The following GALNT10 variants were observed in gnomAD, a reference collection of about 807,000 sequenced individuals.
GALNT10 encodes GalNAc transferase 10.
Under a neutral mutation model 75.0 loss-of-function variants are expected in GALNT10, and 41 were observed. The ratio of observed to expected loss-of-function variants is 0.55; its 90% CI spans 0.43 to 0.71. The LOEUF (loss-of-function observed/expected upper bound fraction) is 0.71, where lower values mean the gene tolerates loss of function less well. Ranked by LOEUF, GALNT10 falls within the 30% of genes least tolerant of loss-of-function variation. The probability of loss-of-function intolerance (pLI) is 0.00; values close to 1 mark genes in which losing one functional copy is unlikely to be tolerated. For synonymous variants in GALNT10, 302 were observed against 313.0 expected (o/e 0.96, Z 0.37); for missense variants, 727 against 818.5 (o/e 0.89, Z 1.36).
rs937721268 is a variant in GALNT10, at chr5:154,416,374, A to G, written c.1654-440A>G. On this transcript the variant is annotated intron_variant, in intron 11 of 11. Transcript: ENST00000297107. The surrounding 1 kb of genome is among the most constrained non-coding windows in gnomAD (Gnocchi z 4.5). ...CTTGAACCTGAGAGGCAGAGGTTGCAGTGAGCCAAGATTGTGCCACTACAC... is the reference window on the plus strand; with the variant it reads ...CTTGAACCTGAGAGGCAGAGGTTGCGGTGAGCCAAGATTGTGCCACTACAC... Among the ~76,000 whole-genome samples the G allele has an allele frequency of 1.3e-5, 2 of 152,196 alleles. No individual in the cohort carries two copies. The highest frequency in any genetic ancestry group is 2.4e-5 in the African/African-American group (1 of 41,446).
At chr5:154,296,744 T>C (rs1754280666) in intron 2 of GALNT10, among the ~76,000 whole-genome samples, 1 of 152,212 alleles carries the variant, frequency 6.6e-6, no homozygotes, top group Non-Finnish European at 1.5e-5. Flanking sequence ...GAACTCTGCA[T>C]TGGTCTCCTG....
rs1756582052 is a variant in GALNT10 at position 154,419,287 on chromosome 5, A to G, written c.*2315A>G. The stretch of plus-strand genomic sequence containing the variant: ...GCAGTGCGTTTAGTCTGTGGCCTAG[A>G]AGACCTCATCAGCCCCCGAGAGGAG... On this transcript the variant is annotated 3_prime_UTR_variant, in exon 12 of 12. Transcript: ENST00000297107. 1 of 152,098 alleles carries G rather than the reference A, an allele frequency of 6.6e-6. No individual in the cohort carries two copies. Among genetic ancestry groups the G allele is most frequent in the Non-Finnish European group, 1.5e-5 (1 of 68,064 alleles). 9.4% of individuals were successfully genotyped at this position (152,098 alleles called of 1,614,324 possible). A position where few individuals can be genotyped will look rare whatever the true frequency, so the allele number is the denominator to read the frequency against.
chr5:154,396,500 A>T (rs1756022335), intron 7 of GALNT10, among the ~76,000 whole-genome samples: 1 of 51,818 alleles, frequency 1.9e-5, no homozygotes, highest in Admixed American at 2.2e-4. Flanking sequence ...TCCAGACCTT[A>T]GGAAAACACA....
chr5:154,333,676 G>A (rs1754900247), intron 4 of GALNT10, among the ~76,000 whole-genome samples: 1 of 152,060 alleles, frequency 6.6e-6, no homozygotes, highest in Non-Finnish European at 1.5e-5. Context: ...TCAATGTGGT[G>A]CCATACCCAA....
At chr5:154,203,121 C>T (rs923003744) in intron 1 of GALNT10, among the ~76,000 whole-genome samples, 4 of 152,192 alleles carry the variant, frequency 2.6e-5, no homozygotes, top group African/African-American at 9.7e-5. Context: ...AGGGGAAGCC[C>T]CGGTGTGAGT....
rs1774852110 is a variant in GALNT10 at position 154,191,083 on chromosome 5, C to G, written c.159+58C>G. ...CCCCCTTCCCGAATTCACTTTTAGC[C>G]TGTGGTTCCTTCCTCCACCTTCTGC... On this transcript the variant is annotated intron_variant, in intron 1 of 11. Coordinates refer to ENST00000297107, the MANE Select transcript of GALNT10 (RefSeq NM_198321.4). The G allele has an allele frequency of 3.4e-6, 4 of 1,182,694 alleles. No homozygotes were observed. The East Asian group carries it at 1.3e-4, about 37-fold the overall frequency. 73.3% of individuals were successfully genotyped at this position (1,182,694 alleles called of 1,614,324 possible).
chr5:154,405,195 TCCA>T (rs1402652358), intron 8 of GALNT10, among the ~76,000 whole-genome samples: 1 of 152,128 alleles, frequency 6.6e-6, no homozygotes, highest in Non-Finnish European at 1.5e-5. Context: ...TGCCTCCTCC[TCCA>T]CTTGACAACC....
chr5:154,415,741 C>T (rs199768647), intron 10 of GALNT10, 42 bp from the exon 11 acceptor site: 179 of 1,563,670 alleles, frequency 1.1e-4, no homozygotes, highest in Non-Finnish European at 1.5e-4. Flanking sequence ...AAAAGAAAGT[C>T]CTTGGCTTTG....
chr5:154,374,124 G>C (rs1755620625), intron 4 of GALNT10, among the ~76,000 whole-genome samples: 1 of 152,110 alleles, frequency 6.6e-6, no homozygotes, highest in Admixed American at 6.5e-5. Flanking sequence ...CATGCCTCTT[G>C]CTTTCTTGTC....
chr5:154,239,098 TCACTGCC>T (rs1306471270), intron 1 of GALNT10, among the ~76,000 whole-genome samples: 14 of 152,238 alleles, frequency 9.2e-5, no homozygotes, highest in African/African-American at 3.4e-4. Flanking sequence ...CTTCCCAGCC[TCACTGCC>T]CACTTTGTTT....
At chr5:154,327,451 A>T (rs993582070) in intron 3 of GALNT10, among the ~76,000 whole-genome samples, 1 of 152,210 alleles carries the variant, frequency 6.6e-6, no homozygotes, top group African/African-American at 2.4e-5. Flanking sequence ...TAAAACAAAG[A>T]AGCTATCAGT....
intron 3 of GALNT10, among the ~76,000 whole-genome samples, chr5:154,302,121 G>A (rs915211008): frequency 6.6e-5 from 10 of 152,208 alleles, no homozygotes; most frequent in African/African-American, 2.2e-4. Context: ...TAGAGCAGTC[G>A]AGCCGCTCAC....
chr5:154,283,305 G>C (rs923178049), intron 1 of GALNT10, among the ~76,000 whole-genome samples: 2 of 106,828 alleles, frequency 1.9e-5, no homozygotes, highest in African/African-American at 6.8e-5. Flanking sequence ...AAAAAAGCCA[G>C]GTGTGGTGGT....
chr5:154,285,511 C>A (rs7729449), intron 1 of GALNT10, among the ~76,000 whole-genome samples: 83,637 of 151,870 alleles, frequency 0.55, 24,077 homozygotes, highest in East Asian at 0.77. Flanking sequence ...TGATATCCAG[C>A]TCTTACAGAT....
At chr5:154,229,312 C>A (rs34141450) in intron 1 of GALNT10, among the ~76,000 whole-genome samples, 55,574 of 152,138 alleles carry the variant, frequency 0.37, 12,274 homozygotes, top group East Asian at 0.84. Flanking sequence ...TGCACTACAC[C>A]ACATCTAGAG....
chr5:154,354,221 T>C (rs1755255067), intron 4 of GALNT10, among the ~76,000 whole-genome samples: 1 of 152,208 alleles, frequency 6.6e-6, no homozygotes, highest in Non-Finnish European at 1.5e-5. Context: ...TTTGTCATAC[T>C]TAAGCCTGTG....
At chr5:154,194,313 T>C (rs911958243) in intron 1 of GALNT10, among the ~76,000 whole-genome samples, 2 of 152,366 alleles carry the variant, frequency 1.3e-5, no homozygotes, top group Non-Finnish European at 2.9e-5. Context: ...TTCTCTTTTT[T>C]CAGTCTTCCT....
chr5:154,199,511 T>C (rs777862069), intron 1 of GALNT10, among the ~76,000 whole-genome samples: 1 of 152,178 alleles, frequency 6.6e-6, no homozygotes, highest in African/African-American at 2.4e-5. Flanking sequence ...CAGATCAGGC[T>C]CCAGTTCAGG....
At chr5:154,205,843 T>C (rs1775100700) in intron 1 of GALNT10, among the ~76,000 whole-genome samples, 1 of 152,130 alleles carries the variant, frequency 6.6e-6, no homozygotes, top group Non-Finnish European at 1.5e-5. Context: ...GAAGGAAGCA[T>C]CTCCCCTAGA....
Sources: allele counts gnomAD v4.1 joint callset (sites outside exome capture counted in the v4.1 genomes callset), GRCh38; gene constraint gnomAD v4.1.1; non-coding constraint Gnocchi (gnomAD v3.1); transcripts MANE v1.5; gene names NCBI Gene and HGNC (gene_info 2026-07-23, HGNC 2026-07-21).